FAM174A: variants seen among roughly 807,000 people sequenced by gnomAD.
FAM174A encodes the protein membrane protein FAM174A.
A neutral mutation model predicts 14.3 loss-of-function variants in FAM174A; 14 were observed. That is an observed-to-expected ratio of 0.98 (90% CI 0.65 to 1.53). The LOEUF is 1.53. FAM174A is among the 40% of genes most tolerant of loss of function. The pLI is 0.00. For missense variants in FAM174A, 241 were observed against 249.6 expected, an observed-to-expected ratio of 0.97 and a Z score of 0.23; for synonymous variants, 108 against 111.4, an observed-to-expected ratio of 0.97 and a Z score of 0.19.
At chr5:100,562,553 T>G (rs1466248631) in intron 2 of FAM174A, among the ~76,000 whole-genome samples, 1 of 151,756 alleles carries the variant, frequency 6.6e-6, no homozygotes, top group Non-Finnish European at 1.5e-5. Flanking sequence ...ATTAACTTCT[T>G]CATTCTTGCA....
chr5:100,562,401 A>AT (rs952748800), intron 2 of FAM174A, among the ~76,000 whole-genome samples: 5 of 151,814 alleles, frequency 3.3e-5, no homozygotes, highest in East Asian at 1.9e-4. Context: ...ATCTCAAAAT[A>AT]TTTTTTTTAA....
At chr5:100,573,619 A>G (rs2112397992) in intron 2 of FAM174A, among the ~76,000 whole-genome samples, 1 of 151,524 alleles carries the variant, frequency 6.6e-6, no homozygotes, top group Middle Eastern at 3.4e-3. Flanking sequence ...AAGGGTAGGA[A>G]GAATCAATAT....
chr5:100,557,743 A>G (rs1561317207), intron 1 of FAM174A, among the ~76,000 whole-genome samples: 1 of 151,990 alleles, frequency 6.6e-6, no homozygotes, highest in South Asian at 2.1e-4. Flanking sequence ...TTATAGTATT[A>G]TCTGATGGTA....
intron 1 of FAM174A, among the ~76,000 whole-genome samples, chr5:100,559,531 C>T (rs558185093): frequency 6.6e-6 from 1 of 152,210 alleles, no homozygotes; most frequent in East Asian, 1.9e-4. Flanking sequence ...TGGATAATAT[C>T]CTGCAGAGTA....
At chr5:100,572,946 A>C (rs1746821502) in intron 2 of FAM174A, among the ~76,000 whole-genome samples, 2 of 152,158 alleles carry the variant, frequency 1.3e-5, no homozygotes, top group South Asian at 4.1e-4. Context: ...TTGCCATTCT[A>C]ACTGGTGTGA....
chr5:100,535,936 C>T lies in FAM174A; in HGVS notation c.406C>T (p.Leu136=), dbSNP rs771326074. The T allele has an allele frequency of 1.2e-5, 19 of 1,601,670 alleles. No homozygotes were observed. In the South Asian group the frequency reaches 1.3e-4, roughly 11 times the overall value. The part of the protein sequence containing the change: ...TVLMVVSGAV[L]VYFVVRTVRM... ...GTTGATGGTGGTGAGCGGCGCGGTG[C>T]TGGTGTACTTCGTGGTCAGGACGGT... The change falls in exon 1 of 3, where the codon CTG becomes TTG. Residue 136 remains leucine (L), a synonymous_variant. Transcript: ENST00000312637.
At chr5:100,561,635 T>A (rs1392352827) in intron 1 of FAM174A, among the ~76,000 whole-genome samples, 5 of 151,886 alleles carry the variant, frequency 3.3e-5, no homozygotes, top group South Asian at 4.1e-4. Context: ...TGAATATGCA[T>A]ATACATACAG....
At chr5:100,553,981 GAC>G (rs1746313057) in intron 1 of FAM174A, among the ~76,000 whole-genome samples, 1 of 152,084 alleles carries the variant, frequency 6.6e-6, no homozygotes, top group Admixed American at 6.6e-5. Context: ...CATGTCTTGT[GAC>G]TAACAATGAC....
chr5:100,554,786 T>G (rs1446106331), intron 1 of FAM174A, among the ~76,000 whole-genome samples: 1 of 152,174 alleles, frequency 6.6e-6, no homozygotes, highest in African/African-American at 2.4e-5. Flanking sequence ...TCTGTCTATC[T>G]ATCTATCTAT....
At chr5:100,548,794 T>C (rs1370606074) in intron 1 of FAM174A, among the ~76,000 whole-genome samples, 4 of 152,180 alleles carry the variant, frequency 2.6e-5, no homozygotes, top group Non-Finnish European at 5.9e-5. Flanking sequence ...CTCTTCATAA[T>C]CGCATGCTTT....
intron 2 of FAM174A, among the ~76,000 whole-genome samples, chr5:100,565,973 A>T (rs1304504082): frequency 6.6e-6 from 1 of 150,634 alleles, no homozygotes; most frequent in Non-Finnish European, 1.5e-5. Context: ...CATGAGACTT[A>T]TTCAATATCA....
intron 2 of FAM174A, among the ~76,000 whole-genome samples, chr5:100,574,251 C>G (rs1294794159): frequency 6.6e-6 from 1 of 152,094 alleles, no homozygotes; most frequent in Non-Finnish European, 1.5e-5. Flanking sequence ...TGCAGTGGCA[C>G]TATCTCGGCT....
chr5:100,563,679 G>A (rs1746579674), intron 2 of FAM174A, among the ~76,000 whole-genome samples: 1 of 151,860 alleles, frequency 6.6e-6, no homozygotes. Context: ...CCCAACAGCA[G>A]AAGAATTCAC....
At chr5:100,562,921 A>G (rs1041041717) in intron 2 of FAM174A, among the ~76,000 whole-genome samples, 2 of 151,896 alleles carry the variant, frequency 1.3e-5, no homozygotes, top group African/African-American at 4.8e-5. Context: ...AAGGAAAGAC[A>G]TCTTGGAATC....
Position 100,546,647 on chromosome 5 carries a change from A to C in FAM174A, c.434+10683A>C, listed in dbSNP as rs184988726. ...TTTCTATTGAGCCTGGAAATAATAC[A>C]CAGTAAATACTTTTGCCATTAGCTT... On this transcript the variant is annotated intron_variant, in intron 1 of 2. Coordinates refer to ENST00000312637, the MANE Select transcript of FAM174A (RefSeq NM_198507.3). Among the ~76,000 whole-genome samples the C allele has an allele frequency of 2.9e-3, 448 of 152,304 alleles. 1 individual carries two copies. Among genetic ancestry groups the C allele is most frequent in the Non-Finnish European group, 4.1e-3 (277 of 68,014 alleles).
chr5:100,550,931 T>C (rs1431448238), intron 1 of FAM174A, among the ~76,000 whole-genome samples: 1 of 151,992 alleles, frequency 6.6e-6, no homozygotes, highest in Non-Finnish European at 1.5e-5. Context: ...AAGAACAAGA[T>C]GAGGCTAAAA....
intron 1 of FAM174A, among the ~76,000 whole-genome samples, chr5:100,557,201 C>A (rs140623309): frequency 0.067 from 9,900 of 147,944 alleles, 409 homozygotes; most frequent in African/African-American, 0.12. Flanking sequence ...TTGAGATAAT[C>A]ATGTGGTTTC....
chr5:100,559,392 T>C (rs1746474926), intron 1 of FAM174A, among the ~76,000 whole-genome samples: 1 of 152,132 alleles, frequency 6.6e-6, no homozygotes, highest in Non-Finnish European at 1.5e-5. Context: ...ATTTCAACTT[T>C]GGTGAATCTG....
At chr5:100,575,768 T>A (rs2112400557) in intron 2 of FAM174A, among the ~76,000 whole-genome samples, 1 of 152,096 alleles carries the variant, frequency 6.6e-6, no homozygotes, top group East Asian at 1.9e-4. Flanking sequence ...TGGGAGAAAA[T>A]TTTTGCAATC....
Sources: gnomAD v4.1 joint callset for allele counts (sites outside exome capture counted in the v4.1 genomes callset) on GRCh38, gnomAD v4.1.1 for gene constraint, MANE v1.5 for transcripts, NCBI Gene and HGNC (gene_info 2026-07-23, HGNC 2026-07-21) for gene names.